ELMOD2: variants seen among roughly 807,000 people sequenced by gnomAD.
ELMOD2 encodes the protein ELMO domain-containing protein 2.
In ELMOD2, 28 loss-of-function variants were observed where a neutral mutation model predicts 41.0. That is an observed-to-expected ratio of 0.68 (90% CI 0.51 to 0.94). The LOEUF (loss-of-function observed/expected upper bound fraction) is 0.94. ELMOD2 is among the 40% of genes least tolerant of loss of function. The probability of loss-of-function intolerance (pLI) is 0.00; values close to 1 mark genes in which losing one functional copy is unlikely to be tolerated. For synonymous variants in ELMOD2, 106 were observed against 107.2 expected (o/e 0.99, Z 0.07); for missense variants, 333 against 343.1 (o/e 0.97, Z 0.23).
chr4:140,529,879 G>T (rs2036020), intron 3 of ELMOD2, among the ~76,000 whole-genome samples: 3 of 151,816 alleles, frequency 2.0e-5, no homozygotes, highest in Non-Finnish European at 2.9e-5. Flanking sequence ...CATCACTAGC[G>T]TACTAAATAT....
intron 6 of ELMOD2, 29 bp from the exon 7 acceptor site, chr4:140,542,545 T>C (rs1735139690): frequency 6.6e-7 from 1 of 1,520,540 alleles, no homozygotes; most frequent in East Asian, 2.3e-5. Context: ...GGCGTACATT[T>C]GTTTGATTAT....
chr4:140,547,615 G>T (rs896827107), intron 8 of ELMOD2, among the ~76,000 whole-genome samples: 13 of 152,038 alleles, frequency 8.6e-5, no homozygotes, highest in African/African-American at 2.9e-4. Flanking sequence ...ATATAACATA[G>T]AATTTACCCA....
In ELMOD2 at chr4:140,550,390, C is replaced by T. The variant is rs1201633722; in HGVS notation, c.*15C>T. The T allele has an allele frequency of 6.3e-7, 1 of 1,577,534 alleles. No homozygotes were observed. The highest frequency in any genetic ancestry group is 8.6e-7 in the Non-Finnish European group (1 of 1,165,394). ...TAAAAGTATAAATCATCCACTGTAT[C>T]TTCTATTTCTACCACATTTTGCACA... On this transcript the variant is annotated 3_prime_UTR_variant, in exon 9 of 9. Transcript: ENST00000323570.
intron 3 of ELMOD2, among the ~76,000 whole-genome samples, chr4:140,534,529 T>G (rs999257847): frequency 1.3e-5 from 2 of 152,212 alleles, no homozygotes; most frequent in Non-Finnish European, 1.5e-5. Context: ...TTCACTGTAT[T>G]TAAATTATAA....
chr4:140,543,662 T>G, intron 8 of ELMOD2, 76 bp downstream of exon 8: 1 of 1,137,868 alleles, frequency 8.8e-7, no homozygotes, highest in Non-Finnish European at 1.2e-6. Flanking sequence ...AATATATATT[T>G]TAATCTGTTG....
chr4:140,535,137 T>TCTCTCCCTC, intron 3 of ELMOD2, among the ~76,000 whole-genome samples: 1 of 141,506 alleles, frequency 7.1e-6, no homozygotes, highest in Non-Finnish European at 1.5e-5. Context: ...ATCTGTTTCT[T>TCTCTCCCTC]TCTCTCTCTC....
chr4:140,540,144 A>G, intron 5 of ELMOD2, 24 bp from the exon 6 acceptor site: 1 of 1,607,512 alleles, frequency 6.2e-7, no homozygotes, highest in Non-Finnish European at 8.5e-7. Context: ...AAAATGTCTT[A>G]ATAATGGAAA....
chr4:140,537,306 T>C, intron 4 of ELMOD2, 106 bp from the exon 5 acceptor site: 1 of 1,049,752 alleles, frequency 9.5e-7, no homozygotes, highest in Non-Finnish European at 1.3e-6. Context: ...TATATTAAAC[T>C]GAAAGCCAGG....
chr4:140,529,582 C>CT (rs1734676226), intron 3 of ELMOD2, among the ~76,000 whole-genome samples: 1 of 152,206 alleles, frequency 6.6e-6, no homozygotes, highest in African/African-American at 2.4e-5. Context: ...TACTCTCTGA[C>CT]TTTATCTACT....
At chr4:140,539,986 G>A (rs1015713616) in intron 5 of ELMOD2, among the ~76,000 whole-genome samples, 182 bp from the exon 6 acceptor site, 8 of 152,028 alleles carry the variant, frequency 5.3e-5, no homozygotes, top group African/African-American at 1.9e-4. Context: ...TTCAAAATCT[G>A]TTCTTTATAC....
chr4:140,542,675 C>G (rs780963652), intron 7 of ELMOD2, 33 bp downstream of exon 7: 31 of 1,465,722 alleles, frequency 2.1e-5, no homozygotes, highest in Admixed American at 1.5e-4. Context: ...GCCGTAATCT[C>G]TTGCATTTAT....
At chr4:140,533,575 A>G (rs1050929292) in intron 3 of ELMOD2, among the ~76,000 whole-genome samples, 5 of 152,292 alleles carry the variant, frequency 3.3e-5, no homozygotes, top group African/African-American at 4.8e-5. Flanking sequence ...ATAGGAGAAT[A>G]TCTTCCACCT....
At chr4:140,525,645 T>G (rs1578752896) in intron 2 of ELMOD2, 75 bp downstream of exon 2, 2 of 1,467,468 alleles carry the variant, frequency 1.4e-6, no homozygotes, top group Non-Finnish European at 1.8e-6. Flanking sequence ...CAGTGACAGA[T>G]GTATTTCTTT....
chr4:140,542,277 A>C (rs3104106), intron 6 of ELMOD2: 2,322 of 194,062 alleles, frequency 0.012, 29 homozygotes, highest in South Asian at 0.034. Context: ...CCAGCAAAGA[A>C]ACAAAAAGAA....
rs903160291 is a variant in ELMOD2 at position 140,550,507 on chromosome 4, T to G, written c.*132T>G. The G allele has an allele frequency of 7.3e-6, 7 of 965,456 alleles. No individual in the cohort carries two copies. Among genetic ancestry groups the G allele is most frequent in the Non-Finnish European group, 1.0e-5 (7 of 692,118 alleles). 59.8% of individuals were successfully genotyped at this position (965,456 alleles called of 1,614,324 possible). On this transcript the variant is annotated 3_prime_UTR_variant, in exon 9 of 9. Transcript: ENST00000323570. The stretch of plus-strand genomic sequence containing the variant: ...ACAAAAATATTTCAGAAATTCTATT[T>G]AAGAAAGCTAGTGGACAATCAGTGT...
intron 8 of ELMOD2, among the ~76,000 whole-genome samples, chr4:140,546,577 C>T (rs960489546): frequency 6.7e-6 from 1 of 149,436 alleles, no homozygotes; most frequent in Non-Finnish European, 1.5e-5. Flanking sequence ...AACTAAAGTT[C>T]CTTAGAACTT....
intron 5 of ELMOD2, among the ~76,000 whole-genome samples, chr4:140,538,272 C>G (rs1734993987): frequency 6.6e-6 from 1 of 152,020 alleles, no homozygotes; most frequent in South Asian, 2.1e-4. Context: ...GAATCTCCTG[C>G]CCATCCTCTA....
intron 8 of ELMOD2, among the ~76,000 whole-genome samples, chr4:140,546,307 A>G (rs11730392): frequency 0.52 from 77,912 of 151,120 alleles, 23,750 homozygotes; most frequent in Non-Finnish European, 0.69. Context: ...GGACACAGAA[A>G]GGGGAATATC....
At chr4:140,530,879 TCTGGGTTCAAATC>T (rs1734725109) in intron 3 of ELMOD2, among the ~76,000 whole-genome samples, 2 of 152,124 alleles carry the variant, frequency 1.3e-5, no homozygotes, top group African/African-American at 2.4e-5. Flanking sequence ...GATAAAAAAG[TCTGGGTTCAAATC>T]CTGATATTAT....
Sources: gnomAD v4.1 joint callset for allele counts (sites outside exome capture counted in the v4.1 genomes callset) on GRCh38, gnomAD v4.1.1 for gene constraint, MANE v1.5 for transcripts, NCBI Gene and HGNC (gene_info 2026-07-23, HGNC 2026-07-21) for gene names.